The following ZCCHC7 variants were observed in gnomAD, a reference collection of about 807,000 sequenced individuals.
ZCCHC7 encodes zinc finger CCHC-type containing 7, also known as zinc finger CCHC domain-containing protein 7.
Under a neutral mutation model 52.0 loss-of-function variants are expected in ZCCHC7, and 35 were observed. The ratio of observed to expected loss-of-function variants is 0.67; its 90% CI spans 0.51 to 0.89. The LOEUF (loss-of-function observed/expected upper bound fraction) is 0.89. ZCCHC7 is among the 40% of genes least tolerant of loss of function. The probability of loss-of-function intolerance (pLI) is 0.00; values close to 1 mark genes in which losing one functional copy is unlikely to be tolerated. For synonymous variants in ZCCHC7, 217 were observed against 221.5 expected, an observed-to-expected ratio of 0.98 and a Z score of 0.18; for missense variants, 574 against 649.1, an observed-to-expected ratio of 0.88 and a Z score of 1.26.
intron 2 of ZCCHC7, among the ~76,000 whole-genome samples, chr9:37,262,949 A>G (rs1826935777): frequency 6.6e-6 from 1 of 152,210 alleles, no homozygotes; most frequent in Non-Finnish European, 1.5e-5. Flanking sequence ...TTTGGGAAAA[A>G]GAGATTTTCA....
intron 2 of ZCCHC7, among the ~76,000 whole-genome samples, chr9:37,231,411 A>G (rs1825399361): frequency 6.6e-6 from 1 of 152,168 alleles, no homozygotes; most frequent in Non-Finnish European, 1.5e-5. Flanking sequence ...CTTATTAAAT[A>G]TATTTCTAGA....
chr9:37,293,496 G>C (rs2133643479), intron 2 of ZCCHC7, among the ~76,000 whole-genome samples: 1 of 152,004 alleles, frequency 6.6e-6, no homozygotes, highest in African/African-American at 2.4e-5. Context: ...GATTTAAATG[G>C]GTTTTATTTA....
chr9:37,199,846 A>G (rs149848614), intron 2 of ZCCHC7, among the ~76,000 whole-genome samples: 13,349 of 151,836 alleles, frequency 0.088, 784 homozygotes, highest in Middle Eastern at 0.16. Context: ...CTGGGACTAC[A>G]GGCACCCGCC....
chr9:37,278,438 C>G (rs1218996749), intron 2 of ZCCHC7, among the ~76,000 whole-genome samples: 1 of 152,080 alleles, frequency 6.6e-6, no homozygotes, highest in Non-Finnish European at 1.5e-5. Context: ...AGATCCAAAT[C>G]ACTCAATCTG....
At chr9:37,263,695 A>G (rs1826968550) in intron 2 of ZCCHC7, among the ~76,000 whole-genome samples, 1 of 152,152 alleles carries the variant, frequency 6.6e-6, no homozygotes, top group Admixed American at 6.5e-5. Context: ...CTACACACAT[A>G]CGTTTGCAGA....
intron 4 of ZCCHC7, among the ~76,000 whole-genome samples, chr9:37,305,075 G>A (rs1387909014): frequency 6.6e-6 from 1 of 152,166 alleles, no homozygotes; most frequent in East Asian, 1.9e-4. Flanking sequence ...GATCTTAGAC[G>A]TTTCCTGACC....
intron 2 of ZCCHC7, among the ~76,000 whole-genome samples, chr9:37,176,429 A>G (rs1822035250): frequency 6.6e-6 from 1 of 152,146 alleles, no homozygotes; most frequent in Admixed American, 6.6e-5. Context: ...CAGCCACCCT[A>G]TAGATTGTTG....
At chr9:37,192,806 T>C (rs565077690) in intron 2 of ZCCHC7, among the ~76,000 whole-genome samples, 16 of 152,122 alleles carry the variant, frequency 1.1e-4, no homozygotes, top group East Asian at 3.9e-4. Flanking sequence ...TTACCACTTA[T>C]AGATTTTTCC....
intron 2 of ZCCHC7, among the ~76,000 whole-genome samples, chr9:37,255,424 C>T (rs1329496949): frequency 6.6e-6 from 1 of 152,048 alleles, no homozygotes; most frequent in Non-Finnish European, 1.5e-5. Flanking sequence ...AGCATGGATA[C>T]ACTGGACAAA....
At chr9:37,219,722 G>A (rs1824712342) in intron 2 of ZCCHC7, among the ~76,000 whole-genome samples, 1 of 152,120 alleles carries the variant, frequency 6.6e-6, no homozygotes, top group Non-Finnish European at 1.5e-5. Context: ...GATATAATGT[G>A]GTATATTTAG....
chr9:37,182,183 T>G lies in ZCCHC7; in HGVS notation c.610+55241T>G, dbSNP rs886132919. Among the ~76,000 whole-genome samples the G allele has an allele frequency of 2.6e-5, 4 of 152,218 alleles. No individual in the cohort carries two copies. The South Asian group carries it at 8.3e-4, about 32-fold the overall frequency. ...ATAGGCTGCAAGTTCGAGGCTGGCC[T>G]TTTAATGAGTTGTTAAAAAATACAA... On this transcript the variant is annotated intron_variant, in intron 2 of 8. Coordinates refer to ENST00000336755, the MANE Select transcript of ZCCHC7 (RefSeq NM_032226.3).
chr9:37,170,617 A>G (rs1007598499), intron 2 of ZCCHC7, among the ~76,000 whole-genome samples: 2 of 152,226 alleles, frequency 1.3e-5, no homozygotes, highest in African/African-American at 2.4e-5. Flanking sequence ...AAACATGCCA[A>G]TGAAACCAAA....
At chr9:37,356,127 A>G (rs1405416754) in intron 8 of ZCCHC7, among the ~76,000 whole-genome samples, 1 of 152,184 alleles carries the variant, frequency 6.6e-6, no homozygotes, top group Admixed American at 6.5e-5. Flanking sequence ...AGTCTATGCT[A>G]AAAGTTTTTA....
At chr9:37,127,704 T>TA (rs1842604016) in intron 2 of ZCCHC7, among the ~76,000 whole-genome samples, 1 of 152,228 alleles carries the variant, frequency 6.6e-6, no homozygotes, top group Non-Finnish European at 1.5e-5. Context: ...TTAAAACTGG[T>TA]ATTGAAATGC....
rs192955137 is a variant in ZCCHC7, at chr9:37,128,164, G to C, written c.610+1222G>C. Among the ~76,000 whole-genome samples the C allele has an allele frequency of 6.6e-4, 101 of 152,296 alleles. No individual in the cohort carries two copies. The Middle Eastern group carries it at 0.01, about 15-fold the overall frequency. On this transcript the variant is annotated intron_variant, in intron 2 of 8. Coordinates refer to ENST00000336755, the MANE Select transcript of ZCCHC7 (RefSeq NM_032226.3). ...GAGACTAAACCTGTTTGATGGATTG[G>C]GTTGGGGGCCAGGTTAGAGATAGGA...
At chr9:37,260,255 T>A (rs1369294829) in intron 2 of ZCCHC7, among the ~76,000 whole-genome samples, 4 of 152,210 alleles carry the variant, frequency 2.6e-5, no homozygotes, top group Non-Finnish European at 5.9e-5. Flanking sequence ...CGCTCTTTCA[T>A]GGGGCTGCTG....
In ZCCHC7 at chr9:37,344,415, C is replaced by T. The variant is rs1026495098; in HGVS notation, c.988-4942C>T. Among the ~76,000 whole-genome samples, 10 of 152,178 alleles carry T rather than the reference C, an allele frequency of 6.6e-5. No homozygotes were observed. The East Asian group carries it at 9.6e-4, about 15-fold the overall frequency. Reference sequence around the variant, plus strand: ...TTTATAAAGCCCTAAGTGATCTGGTCCCTCCCTGTCCTCTAGAGCCTCCTC... The same window carrying T: ...TTTATAAAGCCCTAAGTGATCTGGTTCCTCCCTGTCCTCTAGAGCCTCCTC... On this transcript the variant is annotated intron_variant, in intron 6 of 8. Transcript: ENST00000336755.
intron 2 of ZCCHC7, among the ~76,000 whole-genome samples, chr9:37,231,394 C>T (rs577791372): frequency 3.3e-5 from 5 of 152,074 alleles, no homozygotes; most frequent in Admixed American, 1.3e-4. Flanking sequence ...TATCAGCTGG[C>T]GTATTACTTA....
intron 6 of ZCCHC7, among the ~76,000 whole-genome samples, chr9:37,342,306 T>G (rs1820690670): frequency 6.6e-6 from 1 of 152,166 alleles, no homozygotes; most frequent in South Asian, 2.1e-4. Flanking sequence ...GGAAAGATTT[T>G]GGGAGGAACA....
Sources: gnomAD v4.1 joint callset for allele counts (sites outside exome capture counted in the v4.1 genomes callset) on GRCh38, gnomAD v4.1.1 for gene constraint, MANE v1.5 for transcripts, NCBI Gene and HGNC (gene_info 2026-07-23, HGNC 2026-07-21) for gene names.